Variants in MAD1L1 observed in about 807,000 individuals in gnomAD.
MAD1L1 encodes the protein mitotic spindle assembly checkpoint protein MAD1.
A neutral mutation model predicts 96.9 loss-of-function variants in MAD1L1; 95 were observed. The observed-to-expected ratio is 0.98, with a 90% CI of 0.83 to 1.16. The LOEUF is 1.16. Among genes scored for constraint, MAD1L1 ranks in the 50% most tolerant of loss-of-function variants. The pLI is 0.00. For synonymous variants in MAD1L1, 473 were observed against 396.6 expected (o/e 1.19, Z -2.29); for missense variants, 1,007 against 954.4 (o/e 1.06, Z -0.73).
At chr7:2,077,938 T>A (rs1042562603) in intron 11 of MAD1L1, among the ~76,000 whole-genome samples, 1 of 152,144 alleles carries the variant, frequency 6.6e-6, no homozygotes, top group Non-Finnish European at 1.5e-5. Context: ...AAATTTTAAA[T>A]GGAGCACGAA....
chr7:2,043,908 C>T (rs532162387), intron 12 of MAD1L1, among the ~76,000 whole-genome samples: 154 of 152,342 alleles, frequency 1.0e-3, no homozygotes, highest in Middle Eastern at 6.8e-3. Flanking sequence ...CAGACCTCAC[C>T]GTGCAGGAAC....
intron 12 of MAD1L1, among the ~76,000 whole-genome samples, chr7:2,024,713 G>A (rs1782926707): frequency 6.6e-6 from 1 of 152,106 alleles, no homozygotes; most frequent in South Asian, 2.1e-4. Context: ...GCTATCCCTT[G>A]TGGGCACTTC....
At chr7:2,210,441 C>G (rs1792862894) in intron 10 of MAD1L1, among the ~76,000 whole-genome samples, 1 of 139,282 alleles carries the variant, frequency 7.2e-6, no homozygotes, top group South Asian at 2.4e-4. Context: ...AGCCCGCATT[C>G]CCGTGGACTC....
chr7:2,023,715 A>T (rs1038674161), intron 12 of MAD1L1, among the ~76,000 whole-genome samples: 1 of 152,162 alleles, frequency 6.6e-6, no homozygotes, highest in Non-Finnish European at 1.5e-5. Context: ...TTGGGAGGCC[A>T]AGGTGGGTGG....
chr7:2,014,037 C>G (rs1262314334), intron 13 of MAD1L1, among the ~76,000 whole-genome samples: 1 of 152,162 alleles, frequency 6.6e-6, no homozygotes, highest in Non-Finnish European at 1.5e-5. Flanking sequence ...TCTCCCAGTT[C>G]CACAGGGAGC....
chr7:1,902,820 G>C (rs1787333859), intron 17 of MAD1L1, among the ~76,000 whole-genome samples: 1 of 152,218 alleles, frequency 6.6e-6, no homozygotes, highest in Admixed American at 6.5e-5. Flanking sequence ...CACTGTTCCA[G>C]GCAGCAAGGA....
intron 12 of MAD1L1, among the ~76,000 whole-genome samples, chr7:2,025,408 G>A (rs1373511909): frequency 1.3e-5 from 2 of 152,220 alleles, no homozygotes; most frequent in Non-Finnish European, 2.9e-5. Context: ...TTGTAGGCTG[G>A]TGGATAGGAC....
intron 10 of MAD1L1, among the ~76,000 whole-genome samples, chr7:2,164,885 CAG>C (rs902308662): frequency 6.6e-6 from 1 of 152,104 alleles, no homozygotes; most frequent in Non-Finnish European, 1.5e-5. Context: ...CCCCAAGGCC[CAG>C]AGGAGGTGAC....
At chr7:1,930,587 C>T (rs1202317158) in intron 17 of MAD1L1, among the ~76,000 whole-genome samples, 2 of 142,940 alleles carry the variant, frequency 1.4e-5, no homozygotes, top group African/African-American at 2.7e-5. Flanking sequence ...TGCGTCCCCT[C>T]GCCCACCCCA....
At chr7:2,037,977 G>A (rs1039891100) in intron 12 of MAD1L1, among the ~76,000 whole-genome samples, 3 of 152,196 alleles carry the variant, frequency 2.0e-5, no homozygotes, top group Non-Finnish European at 4.4e-5. Context: ...CAGGCCTCTC[G>A]TGCCAAACAG....
At chr7:1,873,753 C>T (rs951783040) in intron 18 of MAD1L1, among the ~76,000 whole-genome samples, 6 of 151,946 alleles carry the variant, frequency 3.9e-5, no homozygotes, top group Non-Finnish European at 8.8e-5. Flanking sequence ...TGATGGACAC[C>T]CCCACCGAAG....
chr7:2,166,918 C>T (rs973845668), intron 10 of MAD1L1, among the ~76,000 whole-genome samples: 5 of 152,234 alleles, frequency 3.3e-5, no homozygotes, highest in African/African-American at 4.8e-5. Context: ...GCACTCCGCT[C>T]ACAAAGCACT....
intron 11 of MAD1L1, among the ~76,000 whole-genome samples, chr7:2,076,303 C>T (rs549677051): frequency 4.2e-4 from 64 of 152,236 alleles, no homozygotes; most frequent in Non-Finnish European, 1.6e-4. Flanking sequence ...AGAGGGCATT[C>T]GGTCCTGAGG....
At chr7:1,858,996 G>A (rs1043035143) in intron 18 of MAD1L1, among the ~76,000 whole-genome samples, 1 of 152,204 alleles carries the variant, frequency 6.6e-6, no homozygotes, top group Non-Finnish European at 1.5e-5. Flanking sequence ...GATCTGGGGG[G>A]CGTCCCCCGA....
chr7:2,064,332 C>T (rs534758159), intron 12 of MAD1L1, among the ~76,000 whole-genome samples: 134 of 152,246 alleles, frequency 8.8e-4, no homozygotes, highest in Middle Eastern at 3.4e-3. Flanking sequence ...GAGAGGAGGC[C>T]CTGGCAGAGT....
intron 10 of MAD1L1, 148 bp downstream of exon 10, chr7:2,213,064 T>C: frequency 5.4e-6 from 4 of 745,402 alleles, no homozygotes; most frequent in Non-Finnish European, 8.9e-6. Context: ...AAGGCCTCAT[T>C]AAACCTGAGC....
At chr7:1,878,949 A>G (rs917895820) in intron 18 of MAD1L1, among the ~76,000 whole-genome samples, 1 of 152,218 alleles carries the variant, frequency 6.6e-6, no homozygotes, top group Non-Finnish European at 1.5e-5. Flanking sequence ...TACGAGACCA[A>G]TATATAAAAG....
At chr7:2,041,009 C>T (rs1376954518) in intron 12 of MAD1L1, among the ~76,000 whole-genome samples, 1 of 152,208 alleles carries the variant, frequency 6.6e-6, no homozygotes, top group Non-Finnish European at 1.5e-5. Context: ...CTGAGAACCA[C>T]AGAAGAGCTC....
intron 10 of MAD1L1, among the ~76,000 whole-genome samples, chr7:2,166,173 C>T (rs932429309): frequency 2.0e-5 from 3 of 152,222 alleles, no homozygotes; most frequent in African/African-American, 7.2e-5. Context: ...CCCGCCGCAG[C>T]CCTGGACCCA....
Sources: gnomAD v4.1 joint callset for allele counts (sites outside exome capture counted in the v4.1 genomes callset) on GRCh38, gnomAD v4.1.1 for gene constraint, MANE v1.5 for transcripts, NCBI Gene and HGNC (gene_info 2026-07-23, HGNC 2026-07-21) for gene names.